Variants in ACSL5 observed in about 807,000 individuals in gnomAD.
ACSL5 encodes the protein long-chain-fatty-acid--CoA ligase 5.
ACSL5 carries 50 observed loss-of-function variants against 84.9 expected under a neutral mutation model. The ratio of observed to expected loss-of-function variants is 0.59; its 90% confidence interval spans 0.47 to 0.75. The LOEUF is 0.75. ACSL5 is among the 30% of genes least tolerant of loss of function. The probability of loss-of-function intolerance (pLI) is 0.00; values close to 1 mark genes in which losing one functional copy is unlikely to be tolerated. For synonymous variants in ACSL5, 280 were observed against 300.7 expected, an observed-to-expected ratio of 0.93 and a Z score of 0.71; for missense variants, 775 against 830.4, an observed-to-expected ratio of 0.93 and a Z score of 0.82.
intron 14 of ACSL5, among the ~76,000 whole-genome samples, chr10:112,420,368 G>T (rs1024966013): frequency 1.3e-5 from 2 of 152,094 alleles, no homozygotes; most frequent in African/African-American, 2.4e-5. Flanking sequence ...TCTGCAGCTG[G>T]TTTTTATTTT....
chr10:112,421,272 C>T (rs559388279), intron 14 of ACSL5, among the ~76,000 whole-genome samples: 3 of 152,314 alleles, frequency 2.0e-5, no homozygotes, highest in Admixed American at 6.5e-5. Flanking sequence ...GATTCTCCCA[C>T]CTCAGCCTCT....
At chr10:112,408,735 G>T in intron 6 of ACSL5, 1 of 502,072 alleles carries the variant, frequency 2.0e-6, no homozygotes, top group South Asian at 2.2e-5. Context: ...ACAGAAAGAA[G>T]TTTCAATGAC....
chr10:112,384,432 G>A (rs1849410287), intron 1 of ACSL5, among the ~76,000 whole-genome samples: 1 of 152,178 alleles, frequency 6.6e-6, no homozygotes, highest in Non-Finnish European at 1.5e-5. Flanking sequence ...TGATGGAGTA[G>A]ACAAGACTTT....
chr10:112,426,181 C>CAA, intron 18 of ACSL5, 77 bp from the exon 19 acceptor site: 1 of 1,125,832 alleles, frequency 8.9e-7, no homozygotes, highest in Non-Finnish European at 1.3e-6. Flanking sequence ...TGACATAATT[C>CAA]TGCTTTATTT....
intron 1 of ACSL5, chr10:112,375,439 G>A (rs1849218218): frequency 6.6e-6 from 1 of 152,176 alleles, no homozygotes; most frequent in Non-Finnish European, 1.5e-5. Flanking sequence ...TCTGTAGAAA[G>A]AACAAACCCT....
chr10:112,401,822 TTC>T (rs770733911), intron 3 of ACSL5, among the ~76,000 whole-genome samples: 1,455 of 115,604 alleles, frequency 0.013, 16 homozygotes, highest in Non-Finnish European at 0.021. Flanking sequence ...CTTTCTTTCT[TTC>T]TTTCTTTCTT....
At chr10:112,424,998 T>C (rs1589703098) in intron 17 of ACSL5, 1 of 171,964 alleles carries the variant, frequency 5.8e-6, no homozygotes, top group East Asian at 1.5e-4. Flanking sequence ...TTTCTGAGAG[T>C]TCTGAAAATG....
Position 112,426,415 on chromosome 10 carries a change from G to A in ACSL5, c.1839+56G>A, listed in dbSNP as rs560594913. The A allele has an allele frequency of 5.2e-5, 75 of 1,456,144 alleles. No homozygotes were observed. In the South Asian group the frequency reaches 8.4e-4, roughly 16 times the overall value. 90.2% of individuals were successfully genotyped at this position (1,456,144 alleles called of 1,614,324 possible). On this transcript the variant is annotated intron_variant, in intron 19 of 20. Transcript: ENST00000354655. The stretch of plus-strand genomic sequence containing the variant: ...ACCCATGGGCCCATCGTGGAGGAGA[G>A]GATGCCTCACCAGTTCCTGCATCTG...
At position 112,395,091 on chromosome 10, in the gene ACSL5, G is replaced by A. The variant is rs762787083; in HGVS notation, c.145G>A (p.Val49Met). The change falls in exon 2 of 21, where the codon GTG (valine) becomes ATG (methionine). Residue 49 changes from valine (V) to methionine (M), a missense_variant. Physicochemically the swap from Val to Met is conservative, Grantham distance 21. Coordinates refer to ENST00000354655, the MANE Select transcript of ACSL5 (RefSeq NM_203379.2). ...LPLLDLNNQSVGIEGGARKGV... is the reference protein window; with the variant it reads ...LPLLDLNNQSMGIEGGARKGV... ...TCTTCTTGACCTGAACAATCAGTCT[G>A]TGGGAATTGAGGTAATTTACCAGTC... 1.2e-6 allele frequency: 2 copies of A among 1,612,848 alleles called. No homozygotes were observed. The highest frequency in any genetic ancestry group is 1.1e-5 in the South Asian group (1 of 91,008).
intron 3 of ACSL5, among the ~76,000 whole-genome samples, chr10:112,400,075 G>A (rs1327440716): frequency 6.6e-6 from 1 of 152,194 alleles, no homozygotes; most frequent in Middle Eastern, 3.2e-3. Flanking sequence ...CCTGTACTTA[G>A]TATATCTGGC....
intron 1 of ACSL5, among the ~76,000 whole-genome samples, chr10:112,374,628 T>A (rs1849205015): frequency 6.6e-6 from 1 of 152,212 alleles, no homozygotes; most frequent in Admixed American, 6.5e-5. Context: ...GTGCGTCAGC[T>A]GCTGAGGGCA....
intron 1 of ACSL5, among the ~76,000 whole-genome samples, chr10:112,389,812 C>T (rs1345894678): frequency 1.3e-5 from 2 of 152,172 alleles, no homozygotes; most frequent in African/African-American, 2.4e-5. Context: ...CCAGGAGTCT[C>T]ACCTTCTCTC....
chr10:112,399,980 G>GT (rs1843840727), intron 3 of ACSL5, among the ~76,000 whole-genome samples: 2 of 152,144 alleles, frequency 1.3e-5, no homozygotes, highest in African/African-American at 4.8e-5. Flanking sequence ...AGGTTAGCTC[G>GT]TAAGTGTTTT....
At chr10:112,407,660 T>C (rs145487991) in intron 5 of ACSL5, among the ~76,000 whole-genome samples, 1 of 152,308 alleles carries the variant, frequency 6.6e-6, no homozygotes, top group African/African-American at 2.4e-5. Flanking sequence ...CAAGATGAGA[T>C]CTGGATGGGG....
chr10:112,389,343 G>C (rs977216220), intron 1 of ACSL5, among the ~76,000 whole-genome samples: 2 of 152,174 alleles, frequency 1.3e-5, no homozygotes. Flanking sequence ...GAAGGCCCTG[G>C]AGTGGATCAA....
chr10:112,415,476 T>C (rs961271401), intron 12 of ACSL5, among the ~76,000 whole-genome samples: 63 of 152,344 alleles, frequency 4.1e-4, no homozygotes, highest in African/African-American at 1.4e-3. Flanking sequence ...ACGTCTCTAA[T>C]ACTAGCTCTT....
intron 17 of ACSL5, among the ~76,000 whole-genome samples, chr10:112,423,175 G>A (rs769253605): frequency 1.2e-4 from 10 of 80,134 alleles, no homozygotes; most frequent in Non-Finnish European, 2.0e-4. Flanking sequence ...GGGACAGAGC[G>A]AGTCTCTGTC....
intron 14 of ACSL5, among the ~76,000 whole-genome samples, chr10:112,419,106 G>C (rs1373918558): frequency 1.1e-4 from 15 of 139,222 alleles, no homozygotes; most frequent in Non-Finnish European, 2.2e-4. Context: ...ATGTATCTGT[G>C]TGTGTGTGTG....
chr10:112,422,423 C>A lies in ACSL5; in HGVS notation c.1575C>A (p.Asp525Glu). 1 of 1,614,084 alleles carries A rather than the reference C, an allele frequency of 6.2e-7. No homozygotes were observed. The highest frequency in any genetic ancestry group is 2.2e-5 in the East Asian group (1 of 44,880). ...GTGATGGCTGGCTTCACACAGGAGA[C>A]ATTGGTCGCTGGCTCCCGGTAGGTA... ...LDSDGWLHTGDIGRWLPNGTL... is the reference protein window; with the variant it reads ...LDSDGWLHTGEIGRWLPNGTL... The change falls in exon 17 of 21, where the codon GAC becomes GAA. Residue 525 changes from aspartate to glutamate, a missense_variant. By Grantham distance (45) the Asp-to-Glu change is conservative. Transcript: ENST00000354655.
Sources: gnomAD v4.1 joint callset for allele counts (sites outside exome capture counted in the v4.1 genomes callset) on GRCh38, gnomAD v4.1.1 for gene constraint, MANE v1.5 for transcripts, NCBI Gene and HGNC (gene_info 2026-07-23, HGNC 2026-07-21) for gene names.